LHFPL2: variants seen among roughly 807,000 people sequenced by gnomAD.
LHFPL2 encodes LHFPL tetraspan subfamily member 2 protein.
LHFPL2 carries 7 observed loss-of-function variants against 17.5 expected under a neutral mutation model. That is an observed-to-expected ratio of 0.40 (90% CI 0.23 to 0.75). The LOEUF (loss-of-function observed/expected upper bound fraction) is 0.75. Ranked by LOEUF, LHFPL2 falls within the 30% of genes least tolerant of loss-of-function variation. The pLI is 0.37. For missense variants in LHFPL2, 241 were observed against 294.8 expected (o/e 0.82, Z 1.34); for synonymous variants, 134 against 116.2 (o/e 1.15, Z -0.99).
chr5:78,627,781 TC>T (rs1225384654), intron 2 of LHFPL2, among the ~76,000 whole-genome samples: 1 of 152,236 alleles, frequency 6.6e-6, no homozygotes, highest in Non-Finnish European at 1.5e-5. Context: ...CTCTGCTAAC[TC>T]TACCATGTGC....
At chr5:78,602,906 G>GTTTTGTTTTC (rs1387592599) in intron 2 of LHFPL2, among the ~76,000 whole-genome samples, 1 of 151,794 alleles carries the variant, frequency 6.6e-6, no homozygotes, top group Non-Finnish European at 1.5e-5. Flanking sequence ...GTTTTGTTTT[G>GTTTTGTTTTC]TTTGAGACGG....
rs146628414 is a variant in LHFPL2, at chr5:78,564,283, T to C, written c.-186+530A>G. Among the ~76,000 whole-genome samples, 563 of 152,332 alleles carry C rather than the reference T, an allele frequency of 3.7e-3. 4 individuals carry two copies. Among genetic ancestry groups the C allele is most frequent in the African/African-American group, 0.013 (546 of 41,570 alleles). ...CAAGATTACTCAACCTCTATTATCG[T>C]CACTAATATTTTCAAAAAGTGACCT... is the stretch of plus-strand genomic sequence containing the variant. On this transcript the variant is annotated intron_variant, in intron 3 of 4. Coordinates refer to ENST00000380345, the MANE Select transcript of LHFPL2 (RefSeq NM_005779.3).
chr5:78,584,284 G>C (rs369393060), intron 2 of LHFPL2, among the ~76,000 whole-genome samples: 1 of 152,148 alleles, frequency 6.6e-6, no homozygotes, highest in Non-Finnish European at 1.5e-5. Flanking sequence ...CTCTCAGCTC[G>C]TCAAAGTCAT....
intron 4 of LHFPL2, among the ~76,000 whole-genome samples, chr5:78,504,653 C>A (rs146663013): frequency 6.6e-6 from 1 of 152,222 alleles, no homozygotes; most frequent in Non-Finnish European, 1.5e-5. Context: ...AAAACCCCCA[C>A]GTGTCTGTCT....
chr5:78,494,414 A>G, intron 4 of LHFPL2: 1 of 985,384 alleles, frequency 1.0e-6, no homozygotes, highest in Non-Finnish European at 1.2e-6. Context: ...AACAATTTTC[A>G]TAACCTTAAA....
chr5:78,579,806 G>A (rs924103017), intron 2 of LHFPL2, among the ~76,000 whole-genome samples: 240 of 152,206 alleles, frequency 1.6e-3, no homozygotes, highest in Middle Eastern at 3.4e-3. Flanking sequence ...ATAAACATAC[G>A]TGTGCATGTG....
At chr5:78,579,269 G>T (rs536064441) in intron 2 of LHFPL2, among the ~76,000 whole-genome samples, 36 of 152,154 alleles carry the variant, frequency 2.4e-4, no homozygotes, top group Admixed American at 4.6e-4. Context: ...TGGAGGAGGA[G>T]GAGGATTTTC....
intron 2 of LHFPL2, among the ~76,000 whole-genome samples, chr5:78,616,159 A>G (rs1744597707): frequency 6.6e-6 from 1 of 150,910 alleles, no homozygotes; most frequent in Non-Finnish European, 1.5e-5. Flanking sequence ...ATGAAGTCTC[A>G]CTCTGTCACC....
chr5:78,587,122 T>A (rs1310591250), intron 2 of LHFPL2, among the ~76,000 whole-genome samples: 1 of 152,208 alleles, frequency 6.6e-6, no homozygotes, highest in Non-Finnish European at 1.5e-5. Flanking sequence ...GTCCTTGCCA[T>A]ATGAATTGTA....
intron 2 of LHFPL2, among the ~76,000 whole-genome samples, chr5:78,616,406 C>T (rs1371373529): frequency 6.6e-6 from 1 of 152,146 alleles, no homozygotes; most frequent in East Asian, 1.9e-4. Context: ...GGATTACAGG[C>T]ATGAACCACC....
At chr5:78,551,278 CAA>C (rs1756433266) in intron 3 of LHFPL2, among the ~76,000 whole-genome samples, 1 of 152,194 alleles carries the variant, frequency 6.6e-6, no homozygotes, top group Admixed American at 6.5e-5. Flanking sequence ...AAGAAATAAA[CAA>C]GGTAACTTCT....
At chr5:78,494,562 A>G in intron 4 of LHFPL2, 1 of 978,554 alleles carries the variant, frequency 1.0e-6, no homozygotes, top group South Asian at 4.7e-5. Flanking sequence ...TGAAAAGCTG[A>G]TGGTCAGTCA....
intron 2 of LHFPL2, among the ~76,000 whole-genome samples, chr5:78,572,298 T>C (rs1479258021): frequency 6.6e-6 from 1 of 151,722 alleles, no homozygotes; most frequent in Non-Finnish European, 1.5e-5. Flanking sequence ...TACTATACAG[T>C]AAAAAGAAAA....
intron 2 of LHFPL2, among the ~76,000 whole-genome samples, chr5:78,575,544 T>C (rs1757108890): frequency 6.6e-6 from 1 of 151,852 alleles, no homozygotes; most frequent in African/African-American, 2.4e-5. Context: ...CGAGACTCCA[T>C]CTCAAAAAAA....
intron 2 of LHFPL2, among the ~76,000 whole-genome samples, chr5:78,572,184 G>A (rs1048318925): frequency 3.0e-4 from 46 of 152,208 alleles, no homozygotes; most frequent in African/African-American, 1.1e-3. Flanking sequence ...CAAACATATA[G>A]GAGGTGACTG....
intron 2 of LHFPL2, among the ~76,000 whole-genome samples, chr5:78,630,490 G>A (rs1400626107): frequency 6.6e-6 from 1 of 152,034 alleles, no homozygotes; most frequent in Non-Finnish European, 1.5e-5. Context: ...ACATTCTTGG[G>A]CAAAGCTGAA....
chr5:78,641,646 A>G (rs1425136276), intron 1 of LHFPL2, among the ~76,000 whole-genome samples: 2 of 152,226 alleles, frequency 1.3e-5, no homozygotes, highest in Admixed American at 6.5e-5. Context: ...ATGTTATTAA[A>G]TCAAAGTCAG....
chr5:78,526,823 C>A (rs978412238), intron 3 of LHFPL2, among the ~76,000 whole-genome samples: 4 of 152,178 alleles, frequency 2.6e-5, no homozygotes, highest in African/African-American at 9.7e-5. Flanking sequence ...GAAGGCTACA[C>A]AGCACCCTCC....
chr5:78,601,996 A>G (rs926876653), intron 2 of LHFPL2, among the ~76,000 whole-genome samples: 2 of 152,188 alleles, frequency 1.3e-5, no homozygotes, highest in African/African-American at 4.8e-5. Context: ...AAACTGTATT[A>G]ATGTGGAAAA....
Sources: gnomAD v4.1 joint callset for allele counts (sites outside exome capture counted in the v4.1 genomes callset) on GRCh38, gnomAD v4.1.1 for gene constraint, MANE v1.5 for transcripts, NCBI Gene and HGNC (gene_info 2026-07-23, HGNC 2026-07-21) for gene names.